Variants in WWOX observed in about 807,000 individuals in gnomAD.
WWOX encodes WW domain-containing oxidoreductase.
WWOX carries 69 observed loss-of-function variants against 46.2 expected under a neutral mutation model. That is an observed-to-expected ratio of 1.49 (90% confidence interval 1.23 to 1.82). WWOX has a LOEUF of 1.82. WWOX is among the 40% of genes most tolerant of loss of function. The probability of loss-of-function intolerance (pLI) is 0.00; values close to 1 mark genes in which losing one functional copy is unlikely to be tolerated. For missense variants in WWOX, 919 were observed against 542.6 expected (o/e 1.69, Z -6.89); for synonymous variants, 359 against 202.6 (o/e 1.77, Z -6.56).
At chr16:78,565,069 A>G (rs1175240448) in intron 8 of WWOX, among the ~76,000 whole-genome samples, 2 of 152,220 alleles carry the variant, frequency 1.3e-5, no homozygotes, top group East Asian at 1.9e-4. Context: ...CCCAGCAACT[A>G]TAACTGGAAG....
At chr16:79,123,629 C>A (rs534274264) in intron 8 of WWOX, among the ~76,000 whole-genome samples, 1 of 152,212 alleles carries the variant, frequency 6.6e-6, no homozygotes, top group Admixed American at 6.5e-5. Context: ...AATAGTTTGA[C>A]CCCAAGGCTC....
At chr16:79,053,654 A>T (rs907225569) in intron 8 of WWOX, among the ~76,000 whole-genome samples, 2 of 152,252 alleles carry the variant, frequency 1.3e-5, no homozygotes, top group African/African-American at 4.8e-5. Context: ...ATAACAAAAC[A>T]ACTTTACAAA....
chr16:79,037,378 T>C (rs575003970), intron 8 of WWOX, among the ~76,000 whole-genome samples: 2 of 152,064 alleles, frequency 1.3e-5, no homozygotes, highest in Non-Finnish European at 2.9e-5. Flanking sequence ...CTAGGGTCAG[T>C]TGATTGAGGG....
intron 8 of WWOX, among the ~76,000 whole-genome samples, chr16:78,659,129 C>T (rs2047151893): frequency 6.6e-6 from 1 of 150,692 alleles, no homozygotes. Context: ...AAAAACAAAA[C>T]ACATGCTGGT....
At chr16:78,555,549 C>G (rs952945597) in intron 8 of WWOX, among the ~76,000 whole-genome samples, 12 of 149,960 alleles carry the variant, frequency 8.0e-5, no homozygotes, top group African/African-American at 2.9e-4. Context: ...GTAATATATG[C>G]AGGCCAGTAC....
chr16:78,439,262 A>G (rs2151392628), intron 8 of WWOX, among the ~76,000 whole-genome samples: 1 of 152,198 alleles, frequency 6.6e-6, no homozygotes, highest in Admixed American at 6.5e-5. Flanking sequence ...TGAGGTTTGA[A>G]TTTTCTGGTT....
At chr16:78,911,778 A>T (rs2045118153) in intron 8 of WWOX, among the ~76,000 whole-genome samples, 1 of 152,076 alleles carries the variant, frequency 6.6e-6, no homozygotes, top group Admixed American at 6.5e-5. Context: ...AGGCAGGAGA[A>T]TCACTTGAAC....
chr16:78,891,870 C>T (rs1181510442), intron 8 of WWOX: 5 of 152,180 alleles, frequency 3.3e-5, no homozygotes, highest in Admixed American at 3.3e-4. Flanking sequence ...AGTTATACTT[C>T]ATCAACTCTA....
intron 8 of WWOX, among the ~76,000 whole-genome samples, chr16:78,749,746 G>A (rs566208850): frequency 1.3e-5 from 2 of 152,270 alleles, no homozygotes; most frequent in East Asian, 1.9e-4. Context: ...CGTTAAAGCC[G>A]TATTGGATGT....
chr16:78,958,025 C>G (rs1427675393), intron 8 of WWOX, among the ~76,000 whole-genome samples: 1 of 152,200 alleles, frequency 6.6e-6, no homozygotes, highest in Non-Finnish European at 1.5e-5. Context: ...GCCACATGAG[C>G]TGTTTTCTGG....
intron 8 of WWOX, among the ~76,000 whole-genome samples, chr16:78,570,059 A>G (rs1050563763): frequency 2.6e-5 from 4 of 152,220 alleles, no homozygotes; most frequent in African/African-American, 9.6e-5. Flanking sequence ...TAAAGAAAAT[A>G]CAGTATTTTG....
intron 8 of WWOX, among the ~76,000 whole-genome samples, chr16:78,709,385 C>G (rs888163619): frequency 9.2e-5 from 14 of 152,206 alleles, no homozygotes; most frequent in Admixed American, 3.9e-4. Context: ...CTCGGCCATT[C>G]CGGTTCACAG....
At chr16:78,863,191 C>T (rs927279040) in intron 8 of WWOX, among the ~76,000 whole-genome samples, 1 of 152,166 alleles carries the variant, frequency 6.6e-6, no homozygotes, top group African/African-American at 2.4e-5. Context: ...CTCCTGACCT[C>T]AGGTGATCCA....
At chr16:79,101,679 T>C (rs2049197929) in intron 8 of WWOX, 1 of 151,508 alleles carries the variant, frequency 6.6e-6, no homozygotes, top group Non-Finnish European at 1.5e-5. Flanking sequence ...GACAGAAACT[T>C]TCCAAAGGGA....
chr16:78,723,245 C>T (rs993637566), intron 8 of WWOX, among the ~76,000 whole-genome samples: 3 of 152,094 alleles, frequency 2.0e-5, no homozygotes, highest in South Asian at 2.1e-4. Flanking sequence ...TAAGTTTATG[C>T]CACTGCAACA....
At chr16:78,767,188 A>G (rs1350838343) in intron 8 of WWOX, among the ~76,000 whole-genome samples, 2 of 151,360 alleles carry the variant, frequency 1.3e-5, no homozygotes, top group African/African-American at 4.9e-5. Context: ...TGGCACAATC[A>G]AAGCTCACTG....
At chr16:78,972,820 A>G (rs897038255) in intron 8 of WWOX, among the ~76,000 whole-genome samples, 2 of 152,218 alleles carry the variant, frequency 1.3e-5, no homozygotes, top group African/African-American at 4.8e-5. Context: ...ATTAATGGCA[A>G]ACTTAGAACA....
At chr16:78,848,972 T>C (rs58829602) in intron 8 of WWOX, among the ~76,000 whole-genome samples, 2,999 of 152,244 alleles carry the variant, frequency 0.02, 82 homozygotes, top group African/African-American at 0.065. Flanking sequence ...GTGCTGAAAA[T>C]CATTTGCTGC....
At chr16:79,152,206 G>T (rs960999664) in intron 8 of WWOX, among the ~76,000 whole-genome samples, 1 of 152,218 alleles carries the variant, frequency 6.6e-6, no homozygotes, top group African/African-American at 2.4e-5. Context: ...AGGCCCTGAG[G>T]AGCGGGATTC....
Sources: allele counts gnomAD v4.1 joint callset (sites outside exome capture counted in the v4.1 genomes callset), GRCh38; gene constraint gnomAD v4.1.1; transcripts MANE v1.5; gene names NCBI Gene and HGNC (gene_info 2026-07-23, HGNC 2026-07-21).